The following FNDC1 variants were observed in gnomAD, a reference collection of about 807,000 sequenced individuals.
FNDC1 encodes the protein fibronectin type III domain-containing protein 1.
Under a neutral mutation model 168.0 loss-of-function variants are expected in FNDC1, and 96 were observed. The ratio of observed to expected loss-of-function variants is 0.57; its 90% confidence interval spans 0.48 to 0.68. FNDC1 has a LOEUF of 0.68. FNDC1 is among the 30% of genes least tolerant of loss of function. The pLI, the probability that FNDC1 is intolerant of heterozygous loss-of-function variation, is 0.00. For missense variants in FNDC1, 2,587 were observed against 2,482.1 expected (o/e 1.04, Z -0.90); for synonymous variants, 1,099 against 1,025.9 (o/e 1.07, Z -1.36).
At chr6:159,264,466 GT>G (rs1777552222) in intron 19 of FNDC1, among the ~76,000 whole-genome samples, 1 of 152,208 alleles carries the variant, frequency 6.6e-6, no homozygotes, top group African/African-American at 2.4e-5. Context: ...CTGTGCTACA[GT>G]TTGTTTACCT....
chr6:159,199,591 G>A (rs956909409), intron 2 of FNDC1, among the ~76,000 whole-genome samples: 1 of 152,146 alleles, frequency 6.6e-6, no homozygotes, highest in African/African-American at 2.4e-5. Flanking sequence ...TTTTCATTTG[G>A]AGCCTCTAAT....
intron 5 of FNDC1, among the ~76,000 whole-genome samples, chr6:159,217,007 C>T (rs1236092868): frequency 6.6e-6 from 1 of 152,228 alleles, no homozygotes; most frequent in Non-Finnish European, 1.5e-5. Flanking sequence ...CTTCCTGCCC[C>T]GTGGTGTGGA....
intron 4 of FNDC1, among the ~76,000 whole-genome samples, chr6:159,206,045 C>T (rs294917): frequency 0.28 from 42,172 of 152,122 alleles, 6,420 homozygotes; most frequent in East Asian, 0.65. Flanking sequence ...CTGAATGAAC[C>T]AGTGGAGATG....
intron 9 of FNDC1, among the ~76,000 whole-genome samples, chr6:159,228,372 A>AT (rs1487074388): frequency 6.6e-6 from 1 of 152,186 alleles, no homozygotes; most frequent in African/African-American, 2.4e-5. Context: ...GGCTAAATTT[A>AT]TTTTCCAGAT....
chr6:159,258,321 T>A (rs1777415760), intron 18 of FNDC1, among the ~76,000 whole-genome samples: 1 of 152,010 alleles, frequency 6.6e-6, no homozygotes, highest in African/African-American at 2.4e-5. Flanking sequence ...AATATAAACC[T>A]CCCCTGGTGG....
At chr6:159,250,715 C>T (rs1777236798) in intron 16 of FNDC1, among the ~76,000 whole-genome samples, 1 of 152,178 alleles carries the variant, frequency 6.6e-6, no homozygotes, top group Admixed American at 6.5e-5. Flanking sequence ...AATCTTCAGC[C>T]ATCTGTAAAT....
At chr6:159,215,540 GGTA>G (rs1562640331) in intron 5 of FNDC1, among the ~76,000 whole-genome samples, 1 of 152,198 alleles carries the variant, frequency 6.6e-6, no homozygotes, top group African/African-American at 2.4e-5. Flanking sequence ...GATGAGACAT[GGTA>G]GCCGAGTGAA....
chr6:159,269,298 A>G (rs1437197779), intron 22 of FNDC1, among the ~76,000 whole-genome samples: 1 of 81,232 alleles, frequency 1.2e-5, no homozygotes, highest in Non-Finnish European at 3.1e-5. Context: ...CTATCCATCC[A>G]TCCATCTATC....
intron 11 of FNDC1, 26 bp downstream of exon 11, chr6:159,234,505 T>C (rs1313484139): frequency 6.2e-7 from 1 of 1,609,264 alleles, no homozygotes; most frequent in Non-Finnish European, 8.5e-7. Context: ...AAACAGTCTT[T>C]CTTTAAGGTG....
At chr6:159,179,545 T>G (rs1781838846) in intron 1 of FNDC1, among the ~76,000 whole-genome samples, 1 of 152,230 alleles carries the variant, frequency 6.6e-6, no homozygotes, top group Non-Finnish European at 1.5e-5. Flanking sequence ...AGAGGCCTTC[T>G]GGACTTCTCC....
In FNDC1 at chr6:159,233,672, G is replaced by A; in HGVS notation, c.3160G>A (p.Asp1054Asn). Residue 1054 changes from aspartate (D) to asparagine (N), a missense_variant, in exon 11 of 23, where the codon GAC (aspartate) becomes AAC (asparagine). Coordinates refer to ENST00000297267, the MANE Select transcript of FNDC1 (RefSeq NM_032532.3). This position sits in a 1 kb window ranked among gnomAD's most constrained non-coding sequence, Gnocchi z 4.6. ...TSQGRSHSSS[D>N]PYTASSRGML... The stretch of plus-strand genomic sequence containing the variant: ...GCAGGGCCGCTCCCACTCCTCCTCG[G>A]ACCCTTACACGGCGAGCTCCAGAGG... 6.5e-7 allele frequency: 1 copy of A among 1,550,282 alleles called. No individual in the cohort carries two copies. The highest frequency in any genetic ancestry group is 1.2e-5 in the South Asian group (1 of 84,138).
rs75641042 is a variant in FNDC1, at chr6:159,214,344, A to C, written c.461-601A>C. Among the ~76,000 whole-genome samples, 245 of 152,324 alleles carry C rather than the reference A, an allele frequency of 1.6e-3. 2 individuals are homozygous for C. The highest frequency in any genetic ancestry group is 2.9e-3 in the Non-Finnish European group (194 of 68,016). On this transcript the variant is annotated intron_variant, in intron 4 of 22. Transcript: ENST00000297267. ...ACTGGCTTAGCAAGAGATTTCTCAA[A>C]ACTGATTAATGTAGCAAGTAAAAAA... is the stretch of plus-strand genomic sequence containing the variant.
chr6:159,204,103 T>C (rs1054676728), intron 4 of FNDC1, among the ~76,000 whole-genome samples: 1 of 152,218 alleles, frequency 6.6e-6, no homozygotes, highest in African/African-American at 2.4e-5. Flanking sequence ...GCTCATTTTT[T>C]TGGACAAACG....
intron 1 of FNDC1, among the ~76,000 whole-genome samples, chr6:159,192,825 T>C (rs557240937): frequency 6.6e-6 from 1 of 152,208 alleles, no homozygotes; most frequent in South Asian, 2.1e-4. Context: ...CAGGACAGCT[T>C]TTTCAGAGCC....
chr6:159,238,774 T>C (rs1783327897), intron 13 of FNDC1, 109 bp downstream of exon 13: 3 of 736,668 alleles, frequency 4.1e-6, no homozygotes, highest in African/African-American at 1.8e-5. Flanking sequence ...ATGGGTTAGT[T>C]ACTTTTACCC....
At chr6:159,270,514 T>C (rs1219551167) in intron 22 of FNDC1, among the ~76,000 whole-genome samples, 1 of 152,192 alleles carries the variant, frequency 6.6e-6, no homozygotes, top group East Asian at 1.9e-4. Context: ...ACTGTGGTCA[T>C]GGGACTGGCC....
In FNDC1 at chr6:159,234,456, C is replaced by G. The variant is rs755569889; in HGVS notation, c.3944C>G (p.Pro1315Arg). The change falls in exon 11 of 23, where the codon CCT (proline) becomes CGT (arginine). Residue 1315 changes from proline to arginine, a missense_variant. Coordinates refer to ENST00000297267, the MANE Select transcript of FNDC1 (RefSeq NM_032532.3). ...TTCCGTAACCCTCTCTCCCGACAGC[C>G]TGCCAGACCCTCTTACAGACAAGGT... ...ARFRNPLSRQ[P>R]ARPSYRQGYN... The G allele has an allele frequency of 1.9e-6, 3 of 1,613,512 alleles. No homozygotes were observed. In the South Asian group the frequency reaches 3.3e-5, roughly 18 times the overall value.
Position 159,256,637 on chromosome 6 carries a change from A to T in FNDC1, c.5174+6A>T. The T allele has an allele frequency of 6.3e-7, 1 of 1,591,216 alleles. No individual in the cohort carries two copies. Among genetic ancestry groups the T allele is most frequent in the Non-Finnish European group, 8.6e-7 (1 of 1,159,488 alleles). On this transcript the variant is annotated splice_donor_region_variant and intron_variant, in intron 18 of 22. Coordinates refer to ENST00000297267, the MANE Select transcript of FNDC1 (RefSeq NM_032532.3). Reference sequence around the variant, plus strand: ...AACCTAAAGCCCAACACGAGGTACGATGTGTCAGTCATTTAGAAAAGATGA... The same window carrying T: ...AACCTAAAGCCCAACACGAGGTACGTTGTGTCAGTCATTTAGAAAAGATGA...
rs200218522 is a variant in FNDC1, at chr6:159,239,883, C to A, written c.4547C>A (p.Thr1516Asn). The change falls in exon 14 of 23, where the codon ACC (threonine) becomes AAC (asparagine). Residue 1516 changes from threonine (T) to asparagine (N), a missense_variant. Thr to Asn is a moderately conservative substitution (Grantham distance 65). Transcript: ENST00000297267. ...TTPIPTCPPG[T>N]LERHDDDGNL... ...CCCATCCCCACCTGTCCCCCTGGGA[C>A]CTTGGAACGGCACGACGATGATGGC... The A allele has an allele frequency of 2.0e-3, 3,160 of 1,542,774 alleles. 4 individuals carry two copies. Among genetic ancestry groups the A allele is most frequent in the Non-Finnish European group, 2.4e-3 (2,716 of 1,142,204 alleles).
Sources: gnomAD v4.1 joint callset for allele counts (sites outside exome capture counted in the v4.1 genomes callset) on GRCh38, gnomAD v4.1.1 for gene constraint, Gnocchi (gnomAD v3.1) non-coding constraint, MANE v1.5 for transcripts, NCBI Gene and HGNC (gene_info 2026-07-23, HGNC 2026-07-21) for gene names.